TMEM132D: variants seen among roughly 807,000 people sequenced by gnomAD.
The protein encoded by TMEM132D is mature OL transmembrane protein.
Under a neutral mutation model 62.3 loss-of-function variants are expected in TMEM132D, and 21 were observed. That is an observed-to-expected ratio of 0.34 (90% CI 0.24 to 0.49). The LOEUF is 0.49. Ranked by LOEUF, TMEM132D falls within the 20% of genes least tolerant of loss-of-function variation. The pLI is 0.99. For synonymous variants in TMEM132D, 621 were observed against 575.6 expected (o/e 1.08, Z -1.13); for missense variants, 1,346 against 1,402.8 (o/e 0.96, Z 0.65).
intron 2 of TMEM132D, among the ~76,000 whole-genome samples, chr12:129,661,261 G>C (rs1046291273): frequency 4.7e-4 from 72 of 152,324 alleles, no homozygotes; most frequent in African/African-American, 1.7e-3. Context: ...GCATACTGGA[G>C]TGGCGATCTC....
intron 1 of TMEM132D, among the ~76,000 whole-genome samples, chr12:129,744,131 A>G (rs942147134): frequency 6.6e-6 from 1 of 152,212 alleles, no homozygotes. Flanking sequence ...CCTGTAAAAT[A>G]GGGTGACAGC....
rs78080223 is a variant in TMEM132D, at chr12:129,264,051, C to T, written c.1300-54388G>A. On this transcript the variant is annotated intron_variant, in intron 4 of 8. Coordinates refer to ENST00000422113, the MANE Select transcript of TMEM132D (RefSeq NM_133448.3). ...ACTGAGTGCTTTCTTCAGTGCTGGC[C>T]GTCACCTGCAGGCAGCCCCATACTT... Among the ~76,000 whole-genome samples, 1,190 of 152,134 alleles carry T rather than the reference C, an allele frequency of 7.8e-3. 37 individuals are homozygous for T. The highest frequency in any genetic ancestry group is 0.05 in the East Asian group (259 of 5,150).
chr12:129,151,396 C>T (rs1220248934), intron 5 of TMEM132D, among the ~76,000 whole-genome samples: 1 of 152,218 alleles, frequency 6.6e-6, no homozygotes, highest in East Asian at 1.9e-4. Context: ...TGAGCATGAT[C>T]AACTGAAGGG....
intron 3 of TMEM132D, among the ~76,000 whole-genome samples, chr12:129,362,625 T>A (rs1439989936): frequency 2.0e-5 from 3 of 152,142 alleles, no homozygotes; most frequent in Non-Finnish European, 2.9e-5. Flanking sequence ...AAAAACAATT[T>A]GTATGCCACA....
intron 1 of TMEM132D, among the ~76,000 whole-genome samples, chr12:129,765,759 C>T (rs1176025698): frequency 6.6e-6 from 1 of 152,166 alleles, no homozygotes; most frequent in Non-Finnish European, 1.5e-5. Flanking sequence ...CTGGTTATAA[C>T]ATCTGTTTGG....
intron 1 of TMEM132D, among the ~76,000 whole-genome samples, chr12:129,900,436 C>T (rs959958653): frequency 4.6e-5 from 7 of 152,206 alleles, no homozygotes; most frequent in African/African-American, 1.2e-4. Flanking sequence ...AGGCAGAGCA[C>T]GTGCCCAGCG....
intron 3 of TMEM132D, among the ~76,000 whole-genome samples, chr12:129,419,137 TG>T (rs1207609918): frequency 6.6e-6 from 1 of 152,032 alleles, no homozygotes; most frequent in East Asian, 1.9e-4. Flanking sequence ...AAAAAATGGG[TG>T]GAGAAAACTA....
At chr12:129,820,582 T>A (rs927857863) in intron 1 of TMEM132D, among the ~76,000 whole-genome samples, 1 of 152,180 alleles carries the variant, frequency 6.6e-6, no homozygotes, top group African/African-American at 2.4e-5. Context: ...TATATTTACT[T>A]ATGTTTTCAT....
chr12:129,806,715 TAAAA>T (rs937585062), intron 1 of TMEM132D, among the ~76,000 whole-genome samples: 1 of 151,424 alleles, frequency 6.6e-6, no homozygotes, highest in African/African-American at 2.4e-5. Flanking sequence ...AAAATAAAAA[TAAAA>T]AATAAAAAAA....
intron 1 of TMEM132D, among the ~76,000 whole-genome samples, chr12:129,831,371 G>A (rs1872825147): frequency 6.6e-6 from 1 of 152,198 alleles, no homozygotes; most frequent in Non-Finnish European, 1.5e-5. Context: ...ATGCGATTGC[G>A]TGTGTCTGCT....
At chr12:129,848,876 C>A (rs1475411661) in intron 1 of TMEM132D, among the ~76,000 whole-genome samples, 1 of 152,170 alleles carries the variant, frequency 6.6e-6, no homozygotes, top group Non-Finnish European at 1.5e-5. Context: ...CCTACCACCA[C>A]TATCTGTCCT....
intron 3 of TMEM132D, among the ~76,000 whole-genome samples, chr12:129,497,823 C>A (rs1032051965): frequency 1.3e-5 from 2 of 152,078 alleles, no homozygotes; most frequent in African/African-American, 4.8e-5. Context: ...CCATGCCCAG[C>A]TAATTTTTTA....
chr12:129,800,761 C>T (rs549059827), intron 1 of TMEM132D, among the ~76,000 whole-genome samples: 25 of 152,216 alleles, frequency 1.6e-4, no homozygotes, highest in Admixed American at 9.8e-4. Context: ...CCAGCGAGAG[C>T]GACGCAGAAG....
chr12:129,878,089 A>C (rs550035825), intron 1 of TMEM132D, among the ~76,000 whole-genome samples: 1 of 152,308 alleles, frequency 6.6e-6, no homozygotes, highest in Non-Finnish European at 1.5e-5. Context: ...GAAATTTTTG[A>C]AAACGGATTT....
At chr12:129,469,530 A>G (rs369013679) in intron 3 of TMEM132D, among the ~76,000 whole-genome samples, 31 of 152,352 alleles carry the variant, frequency 2.0e-4, no homozygotes, top group South Asian at 1.2e-3. Flanking sequence ...TTTTAAAATT[A>G]GAACATTCTA....
At chr12:129,505,776 T>C (rs1593041971) in intron 3 of TMEM132D, among the ~76,000 whole-genome samples, 2 of 152,354 alleles carry the variant, frequency 1.3e-5, no homozygotes, top group South Asian at 2.1e-4. Flanking sequence ...TTATATAATG[T>C]CCCTCTTTGT....
intron 4 of TMEM132D, among the ~76,000 whole-genome samples, chr12:129,214,399 T>C (rs571203846): frequency 1.3e-4 from 20 of 152,204 alleles, no homozygotes; most frequent in Non-Finnish European, 1.8e-4. Context: ...AGGAAAATAA[T>C]GGATAGAGAA....
At chr12:129,572,042 A>G (rs574055620) in intron 2 of TMEM132D, among the ~76,000 whole-genome samples, 1 of 152,194 alleles carries the variant, frequency 6.6e-6, no homozygotes, top group East Asian at 1.9e-4. Flanking sequence ...ATCCGCAGGT[A>G]CTCACCCTGC....
chr12:129,357,687 G>A (rs1225939571), intron 3 of TMEM132D, among the ~76,000 whole-genome samples: 1 of 152,174 alleles, frequency 6.6e-6, no homozygotes, highest in East Asian at 1.9e-4. Flanking sequence ...GAAAGAGAGA[G>A]AGAGAGAAGT....
Sources: allele counts gnomAD v4.1 joint callset (sites outside exome capture counted in the v4.1 genomes callset), GRCh38; gene constraint gnomAD v4.1.1; transcripts MANE v1.5; gene names NCBI Gene and HGNC (gene_info 2026-07-23, HGNC 2026-07-21).